C12orf56: variants seen among roughly 807,000 people sequenced by gnomAD.
C12orf56 encodes the protein uncharacterized protein C12orf56.
In C12orf56, 71 loss-of-function variants were observed where a neutral mutation model predicts 69.9. The observed-to-expected ratio is 1.02, with a 90% confidence interval of 0.84 to 1.24. C12orf56 has a LOEUF of 1.24. C12orf56 is among the 50% of genes most tolerant of loss of function. The pLI is 0.00. For missense variants in C12orf56, 732 were observed against 738.5 expected, an observed-to-expected ratio of 0.99 and a Z score of 0.10; for synonymous variants, 276 against 274.1, an observed-to-expected ratio of 1.01 and a Z score of -0.07.
chr12:64,341,874 C>G (rs1176442868), intron 2 of C12orf56, among the ~76,000 whole-genome samples: 2 of 152,150 alleles, frequency 1.3e-5, no homozygotes, highest in Admixed American at 1.3e-4. Flanking sequence ...GCCAGATCAG[C>G]TTTGGTGAGT....
chr12:64,344,834 T>C (rs1037624086), intron 2 of C12orf56, among the ~76,000 whole-genome samples: 2 of 151,772 alleles, frequency 1.3e-5, no homozygotes, highest in Non-Finnish European at 2.9e-5. Context: ...TGCCTTCCCC[T>C]ACATTAAACC....
intron 5 of C12orf56, among the ~76,000 whole-genome samples, chr12:64,305,277 G>A (rs2038496465): frequency 6.6e-6 from 1 of 152,140 alleles, no homozygotes; most frequent in African/African-American, 2.4e-5. Flanking sequence ...TACTCAGTTA[G>A]GTCATTATCA....
chr12:64,286,900 G>A (rs2038209679), intron 6 of C12orf56, among the ~76,000 whole-genome samples: 2 of 152,086 alleles, frequency 1.3e-5, no homozygotes, highest in Admixed American at 1.3e-4. Context: ...AAGAGAAGCA[G>A]GATGTTTACC....
rs1565786009 is a variant in C12orf56, at chr12:64,386,400, T to TA, written c.252+3913_252+3914insT. Among the ~76,000 whole-genome samples the TA allele has an allele frequency of 9.7e-4, 96 of 99,222 alleles. 2 individuals are homozygous for TA. Among genetic ancestry groups the TA allele is most frequent in the African/African-American group, 2.9e-3 (64 of 22,242 alleles). 65.1% of individuals were successfully genotyped at this position (99,222 alleles called of 152,430 possible). On this transcript the variant is annotated intron_variant, in intron 1 of 12. Transcript: ENST00000543942. ...GGCTAATTTTTATATATATATATAT[T>TA]TTTTTTTTTTTTTGAGACGGAGTTC...
At chr12:64,315,311 T>G (rs1415032675) in intron 4 of C12orf56, among the ~76,000 whole-genome samples, 3 of 151,552 alleles carry the variant, frequency 2.0e-5, no homozygotes, top group South Asian at 2.1e-4. Flanking sequence ...TCTACGTTTT[T>G]TTTTTTTTTT....
intron 3 of C12orf56, 95 bp downstream of exon 3, chr12:64,330,865 G>A: frequency 2.0e-6 from 2 of 997,862 alleles, no homozygotes; most frequent in Non-Finnish European, 3.0e-6. Context: ...TCAGTCCAAA[G>A]CCATTAGTAG....
intron 4 of C12orf56, among the ~76,000 whole-genome samples, chr12:64,316,594 G>A (rs924715158): frequency 6.6e-6 from 1 of 151,878 alleles, no homozygotes; most frequent in Non-Finnish European, 1.5e-5. Flanking sequence ...AACTCATAAA[G>A]ATAGTCTTCC....
At chr12:64,386,398 A>ATATTTT (rs752756817) in intron 1 of C12orf56, among the ~76,000 whole-genome samples, 14 of 87,342 alleles carry the variant, frequency 1.6e-4, no homozygotes, top group Admixed American at 1.1e-3. Context: ...ATATATATAT[A>ATATTTT]TTTTTTTTTT....
intron 1 of C12orf56, among the ~76,000 whole-genome samples, chr12:64,385,450 C>G (rs1427319468): frequency 1.3e-5 from 2 of 152,226 alleles, no homozygotes; most frequent in East Asian, 1.9e-4. Context: ...TGACATATGT[C>G]AGGAACTAGA....
chr12:64,308,940 G>GAAAGAAGAAAGAAAGAGAGA (rs35488127), intron 5 of C12orf56, among the ~76,000 whole-genome samples: 1 of 80,828 alleles, frequency 1.2e-5, no homozygotes, highest in Non-Finnish European at 2.5e-5. Context: ...AAGAAAGAAA[G>GAAAGAAGAAAGAAAGAGAGA]AAGAAAGAAA....
In C12orf56 at chr12:64,303,656, A is replaced by T; in HGVS notation, c.1092T>A (p.Ile364=). 1.3e-6 allele frequency: 2 copies of T among 1,561,504 alleles called. No individual in the cohort carries two copies. The highest frequency in any genetic ancestry group is 1.7e-6 in the Non-Finnish European group (2 of 1,155,668). Residue 364 remains isoleucine, a synonymous_variant, in exon 6 of 13, where the codon ATT becomes ATA. Transcript: ENST00000543942. ...TTACCTTCCAGAAAAGCCTTTTCAGAATGAAGTTTTTCTGGGCTGCTACTT... is the reference window on the plus strand; with the variant it reads ...TTACCTTCCAGAAAAGCCTTTTCAGTATGAAGTTTTTCTGGGCTGCTACTT... ...ELKVAAQKNF[I]LKRLFWKTSD...
rs1422150732 is a variant in C12orf56 at position 64,265,228 on chromosome 12, A to G, written c.*1955T>C. 1 of 152,072 alleles carries G rather than the reference A, an allele frequency of 6.6e-6. No homozygotes were observed. The highest frequency in any genetic ancestry group is 1.9e-4 in the East Asian group (1 of 5,176). 9.4% of individuals were successfully genotyped at this position (152,072 alleles called of 1,614,324 possible). ...GACCGTCTCTTGAAAATAATCCCCC[A>G]TCTAACAGCCAGGACACTCAAAAAC... On this transcript the variant is annotated 3_prime_UTR_variant, in exon 13 of 13. Coordinates refer to ENST00000543942, the MANE Select transcript of C12orf56 (RefSeq NM_001170633.2).
intron 8 of C12orf56, among the ~76,000 whole-genome samples, chr12:64,281,831 G>A (rs781289811): frequency 6.6e-6 from 1 of 152,020 alleles, no homozygotes; most frequent in Non-Finnish European, 1.5e-5. Context: ...TAAAGGCAAC[G>A]CTTTTAAAGA....
intron 1 of C12orf56, among the ~76,000 whole-genome samples, chr12:64,389,800 T>C (rs1031061441): frequency 6.6e-6 from 1 of 152,294 alleles, no homozygotes. Context: ...CCCGGCCTTA[T>C]GCATTTATTC....
intron 5 of C12orf56, among the ~76,000 whole-genome samples, 197 bp downstream of exon 5, chr12:64,312,482 G>A (rs1470511534): frequency 1.3e-5 from 2 of 152,124 alleles, no homozygotes; most frequent in African/African-American, 4.8e-5. Context: ...GGTGGCGGGC[G>A]CCTGGAGTGC....
chr12:64,351,548 G>A (rs1469141722), intron 2 of C12orf56, among the ~76,000 whole-genome samples: 2 of 152,098 alleles, frequency 1.3e-5, no homozygotes, highest in Non-Finnish European at 2.9e-5. Flanking sequence ...GGAACTCGAC[G>A]GCTACTGACA....
chr12:64,355,468 A>C (rs1398164926), intron 1 of C12orf56, among the ~76,000 whole-genome samples: 4 of 152,122 alleles, frequency 2.6e-5, no homozygotes, highest in Admixed American at 2.0e-4. Context: ...TTTAATTTTA[A>C]ATTTTTTTGA....
intron 4 of C12orf56, among the ~76,000 whole-genome samples, chr12:64,315,885 C>T (rs1324401261): frequency 3.3e-5 from 5 of 149,360 alleles, no homozygotes; most frequent in African/African-American, 9.9e-5. Flanking sequence ...GAGCCAAGAT[C>T]GCACCATTGC....
chr12:64,303,877 CTAAT>C (rs1416118217), intron 5 of C12orf56, 98 bp from the exon 6 acceptor site: 1 of 1,317,406 alleles, frequency 7.6e-7, no homozygotes, highest in African/African-American at 1.5e-5. Flanking sequence ...AACTTTGTTA[CTAAT>C]GGGATTTTAA....
Sources: gnomAD v4.1 joint callset for allele counts (sites outside exome capture counted in the v4.1 genomes callset) on GRCh38, gnomAD v4.1.1 for gene constraint, MANE v1.5 for transcripts, NCBI Gene and HGNC (gene_info 2026-07-23, HGNC 2026-07-21) for gene names.